Variants in ST7 observed in about 807,000 individuals in gnomAD.
The protein encoded by ST7 is suppressor of tumorigenicity 7 protein.
Under a neutral mutation model 78.7 loss-of-function variants are expected in ST7, and 28 were observed. The observed-to-expected ratio is 0.36, with a 90% CI of 0.26 to 0.49. ST7 has a LOEUF of 0.49. Among genes scored for constraint, ST7 ranks in the 20% least tolerant of loss-of-function variants. ST7 has a pLI of 0.99. For synonymous variants in ST7, 247 were observed against 249.6 expected (o/e 0.99, Z 0.10); for missense variants, 418 against 696.0 (o/e 0.60, Z 4.49).
At chr7:116,973,205 C>T (rs1258706953) in intron 1 of ST7, among the ~76,000 whole-genome samples, 1 of 151,944 alleles carries the variant, frequency 6.6e-6, no homozygotes, top group East Asian at 1.9e-4. Context: ...TTTAGCACTA[C>T]AAGATGTTCT....
intron 1 of ST7, among the ~76,000 whole-genome samples, chr7:117,026,442 G>A (rs1796185703): frequency 6.6e-6 from 1 of 152,058 alleles, no homozygotes; most frequent in African/African-American, 2.4e-5. Context: ...ATGCACAAAT[G>A]CTATATTATT....
At chr7:117,003,735 G>A (rs1795040074) in intron 1 of ST7, among the ~76,000 whole-genome samples, 1 of 152,214 alleles carries the variant, frequency 6.6e-6, no homozygotes, top group African/African-American at 2.4e-5. Flanking sequence ...CCTGACGAAT[G>A]TGTATATCTT....
chr7:117,170,606 A>C (rs1391886068), intron 9 of ST7, among the ~76,000 whole-genome samples: 1 of 152,056 alleles, frequency 6.6e-6, no homozygotes, highest in Non-Finnish European at 1.5e-5. Flanking sequence ...GCTTGAACCC[A>C]GGAGGTGGAG....
chr7:117,223,875 T>C (rs1185169341), intron 15 of ST7: 2 of 867,092 alleles, frequency 2.3e-6, no homozygotes, highest in Non-Finnish European at 2.8e-6. Flanking sequence ...TTGCTCATAG[T>C]AGGTTTTCAA....
At chr7:117,034,200 A>AAGTGCTG (rs1206787577) in intron 1 of ST7, among the ~76,000 whole-genome samples, 2 of 152,140 alleles carry the variant, frequency 1.3e-5, no homozygotes, top group Non-Finnish European at 2.9e-5. Context: ...CGGCCTCCCA[A>AAGTGCTG]AGTGCTGAGA....
intron 2 of ST7, among the ~76,000 whole-genome samples, chr7:117,107,696 CT>C (rs1802092339): frequency 6.7e-6 from 1 of 149,332 alleles, no homozygotes; most frequent in Admixed American, 6.7e-5. Context: ...TCACTGCAAC[CT>C]CTGCCTCCTG....
rs532605690 is a variant in ST7 at position 117,041,237 on chromosome 7, A to G, written c.152-58525A>G. 5.3e-5 allele frequency among the ~76,000 whole-genome samples: 8 copies of G among 152,314 alleles called. 1 individual carries two copies. The highest frequency in any genetic ancestry group is 1.0e-4 in the Non-Finnish European group (7 of 68,012). ...CTTTACCACATGTTCATTTTTCTAC[A>G]CTGAGAATGAATGTAATTCTAGTAG... On this transcript the variant is annotated intron_variant, in intron 1 of 15. Coordinates refer to ENST00000323984, the MANE Select transcript of ST7 (RefSeq NM_001369598.1).
chr7:117,224,735 G>T (rs886309682), intron 15 of ST7, among the ~76,000 whole-genome samples: 1 of 152,104 alleles, frequency 6.6e-6, no homozygotes, highest in African/African-American at 2.4e-5. Flanking sequence ...TTAGCAGGAG[G>T]TATCTGTATT....
At chr7:117,010,972 T>A (rs1348807074) in intron 1 of ST7, among the ~76,000 whole-genome samples, 2 of 152,138 alleles carry the variant, frequency 1.3e-5, no homozygotes, top group East Asian at 3.9e-4. Flanking sequence ...TATGAAAAGC[T>A]TCACACTCTG....
At position 117,138,427 on chromosome 7, in the gene ST7, C is replaced by A; in HGVS notation, c.866-8C>A. On this transcript the variant is annotated splice_region_variant and splice_polypyrimidine_tract_variant and intron_variant, in intron 8 of 15. Coordinates refer to ENST00000323984, the MANE Select transcript of ST7 (RefSeq NM_001369598.1). Reference sequence around the variant, plus strand: ...TTAAATGTTGGTGTTTTATATCTCCCTCTTCAGGACGAGACACCAATGTCT... The same window carrying A: ...TTAAATGTTGGTGTTTTATATCTCCATCTTCAGGACGAGACACCAATGTCT... 1 of 1,577,984 alleles carries A rather than the reference C, an allele frequency of 6.3e-7. No individual in the cohort carries two copies. Among genetic ancestry groups the A allele is most frequent in the Non-Finnish European group, 8.6e-7 (1 of 1,158,516 alleles).
chr7:117,030,455 ATGTC>A (rs1796417487), intron 1 of ST7, among the ~76,000 whole-genome samples: 1 of 152,232 alleles, frequency 6.6e-6, no homozygotes, highest in African/African-American at 2.4e-5. Context: ...TTTTGAGGGT[ATGTC>A]TTAACAAATA....
intron 1 of ST7, among the ~76,000 whole-genome samples, chr7:117,043,388 C>A (rs889077409): frequency 6.6e-6 from 1 of 152,158 alleles, no homozygotes; most frequent in Non-Finnish European, 1.5e-5. Flanking sequence ...ACCTTTGAGA[C>A]TATTCCTTTT....
At chr7:117,096,235 T>C (rs1801033975) in intron 1 of ST7, among the ~76,000 whole-genome samples, 1 of 152,084 alleles carries the variant, frequency 6.6e-6, no homozygotes. Flanking sequence ...AGGCAAGATA[T>C]TTTTTGGTTT....
chr7:117,147,924 T>C (rs1805941293), intron 9 of ST7, among the ~76,000 whole-genome samples: 1 of 152,160 alleles, frequency 6.6e-6, no homozygotes, highest in South Asian at 2.1e-4. Flanking sequence ...TTGGGGAGAA[T>C]TTATGGTCAC....
At chr7:116,959,069 A>G (rs1792685543) in intron 1 of ST7, 1 of 420,430 alleles carries the variant, frequency 2.4e-6, no homozygotes, top group African/African-American at 2.0e-5. Context: ...TAGGACTTTC[A>G]GAATTGGAGT....
At chr7:117,057,006 A>G (rs1359845330) in intron 1 of ST7, among the ~76,000 whole-genome samples, 1 of 152,136 alleles carries the variant, frequency 6.6e-6, no homozygotes, top group Non-Finnish European at 1.5e-5. Flanking sequence ...GCCCATTTCA[A>G]TATAGTGTCA....
intron 1 of ST7, among the ~76,000 whole-genome samples, chr7:117,085,614 C>T (rs1228662610): frequency 1.3e-5 from 2 of 152,190 alleles, no homozygotes; most frequent in Non-Finnish European, 2.9e-5. Flanking sequence ...ATCAAGTACT[C>T]TCAAAGTGTT....
chr7:117,200,834 T>A (rs2402175), intron 12 of ST7, among the ~76,000 whole-genome samples: 28,973 of 144,208 alleles, frequency 0.2, 3,629 homozygotes, highest in East Asian at 0.57. Context: ...TTTTTTTTTT[T>A]AAAAAAAAAA....
intron 3 of ST7, among the ~76,000 whole-genome samples, chr7:117,121,798 A>G (rs1242177559): frequency 6.6e-6 from 1 of 152,218 alleles, no homozygotes; most frequent in Non-Finnish European, 1.5e-5. Flanking sequence ...TTAAAAACCT[A>G]TACAAGACCA....
Sources: gnomAD v4.1 joint callset for allele counts (sites outside exome capture counted in the v4.1 genomes callset) on GRCh38, gnomAD v4.1.1 for gene constraint, MANE v1.5 for transcripts, NCBI Gene and HGNC (gene_info 2026-07-23, HGNC 2026-07-21) for gene names.